Variants in MAP2 observed in about 807,000 individuals in gnomAD.
MAP2 encodes the protein microtubule associated protein 2, also known as microtubule-associated protein 2.
MAP2 carries 14 observed loss-of-function variants against 137.6 expected under a neutral mutation model. The ratio of observed to expected loss-of-function variants is 0.10; its 90% CI spans 0.07 to 0.16. The LOEUF is 0.16. MAP2 is among the 10% of genes least tolerant of loss of function. The pLI, the probability that MAP2 is intolerant of heterozygous loss-of-function variation, is 1.00. For missense variants in MAP2, 2,088 were observed against 2,191.5 expected, an observed-to-expected ratio of 0.95 and a Z score of 0.94; for synonymous variants, 786 against 782.3, an observed-to-expected ratio of 1.00 and a Z score of -0.08.
At position 209,694,850 on chromosome 2, in the gene MAP2, G is replaced by C. The variant is rs1386378754; in HGVS notation, c.2680G>C (p.Gly894Arg). 1.8e-5 allele frequency: 29 copies of C among 1,614,010 alleles called. No homozygotes were observed. The highest frequency in any genetic ancestry group is 2.5e-5 in the Non-Finnish European group (29 of 1,180,024). The part of the protein sequence containing the change: ...QDSENLSGES[G>R]TFYEGTDDKV... ...CAGTGAGAATTTATCAGGGGAGAGT[G>C]GTACCTTTTACGAAGGCACTGATGA... The change falls in exon 8 of 16, where the codon GGT becomes CGT. Residue 894 changes from glycine to arginine, a missense_variant. Gly to Arg is a moderately radical substitution (Grantham distance 125, BLOSUM62 -2). This residue lies in a region of MAP2 where 500 missense variants were observed against 482.9 expected (regional missense o/e 1.04). Transcript: ENST00000682079.
chr2:209,695,312 G>A lies in MAP2; in HGVS notation c.3142G>A (p.Val1048Ile). 2 of 1,614,030 alleles carry A rather than the reference G, an allele frequency of 1.2e-6. No individual in the cohort carries two copies. Among genetic ancestry groups the A allele is most frequent in the South Asian group, 2.2e-5 (2 of 91,062 alleles). Residue 1048 changes from valine (V) to isoleucine (I), a missense_variant, in exon 8 of 16, where the codon GTT becomes ATT. Physicochemically the swap from Val to Ile is conservative, Grantham distance 29. Around this residue, in one of 6 missense-constraint regions of MAP2, gnomAD observed 500 missense variants for 482.9 expected, o/e 1.04. Transcript: ENST00000682079. ...TTTTGCTGTCCAGGGTCAACTAGAT[G>A]TTAAAATTAGTGACTTTGGACAGAT... ...LDFAVQGQLDVKISDFGQMAS... is the reference protein window; with the variant it reads ...LDFAVQGQLDIKISDFGQMAS...
chr2:209,614,578 A>T (rs1230226657), intron 3 of MAP2, among the ~76,000 whole-genome samples: 2 of 152,202 alleles, frequency 1.3e-5, no homozygotes, highest in Non-Finnish European at 1.5e-5. Flanking sequence ...GATATATTTC[A>T]AGGCTTGCTT....
At chr2:209,425,668 C>T (rs1692360368) in intron 1 of MAP2, among the ~76,000 whole-genome samples, 1 of 152,174 alleles carries the variant, frequency 6.6e-6, no homozygotes, top group Non-Finnish European at 1.5e-5. Context: ...AGAACAAAGC[C>T]TTCTATGTGA....
chr2:209,617,283 C>T (rs1048152332), intron 3 of MAP2, among the ~76,000 whole-genome samples: 2 of 152,128 alleles, frequency 1.3e-5, no homozygotes, highest in East Asian at 3.9e-4. Flanking sequence ...GTTTTCTGAG[C>T]CCCAACATTA....
chr2:209,495,934 TCA>T (rs1330440504), intron 1 of MAP2, among the ~76,000 whole-genome samples: 1 of 152,220 alleles, frequency 6.6e-6, no homozygotes, highest in Non-Finnish European at 1.5e-5. Flanking sequence ...CATTTTATGT[TCA>T]GTGTTGTGAC....
intron 2 of MAP2, among the ~76,000 whole-genome samples, chr2:209,549,174 C>G (rs954641332): frequency 6.6e-6 from 1 of 152,178 alleles, no homozygotes; most frequent in African/African-American, 2.4e-5. Context: ...AAGAAAGGCT[C>G]TCTCCAGGAG....
At position 209,595,879 on chromosome 2, in the gene MAP2, C is replaced by G. The variant is rs2081149161; in HGVS notation, c.-107+15779C>G. Among the ~76,000 whole-genome samples, 8 of 152,286 alleles carry G rather than the reference C, an allele frequency of 5.3e-5. 1 individual carries two copies. In the South Asian group the frequency reaches 1.7e-3, roughly 32 times the overall value. On this transcript the variant is annotated intron_variant, in intron 3 of 15. Transcript: ENST00000682079. ...GACAGAAAACCAAACACTGCATGTT[C>G]TCACTCATAGGTGGGAATTGAACAA...
At chr2:209,555,632 A>C (rs2070385133) in intron 2 of MAP2, among the ~76,000 whole-genome samples, 1 of 152,186 alleles carries the variant, frequency 6.6e-6, no homozygotes, top group East Asian at 1.9e-4. Flanking sequence ...TTATTTCTTT[A>C]CTTCACAACT....
At chr2:209,547,807 C>G (rs1032605262) in intron 2 of MAP2, among the ~76,000 whole-genome samples, 2 of 152,112 alleles carry the variant, frequency 1.3e-5, no homozygotes, top group African/African-American at 4.8e-5. Flanking sequence ...CTTAATTCCA[C>G]TATTATTATG....
chr2:209,484,176 G>A (rs1439001695), intron 1 of MAP2, among the ~76,000 whole-genome samples: 1 of 152,288 alleles, frequency 6.6e-6, no homozygotes, highest in African/African-American at 2.4e-5. Context: ...TTTAACTTGT[G>A]AGGGCCATTT....
chr2:209,539,532 T>G (rs1374882530), intron 2 of MAP2, among the ~76,000 whole-genome samples: 1 of 152,202 alleles, frequency 6.6e-6, no homozygotes, highest in African/African-American at 2.4e-5. Context: ...ACTGAGATGC[T>G]CATTTGAGTA....
intron 3 of MAP2, among the ~76,000 whole-genome samples, chr2:209,592,059 C>G (rs964609249): frequency 3.3e-5 from 5 of 152,110 alleles, no homozygotes; most frequent in Non-Finnish European, 7.4e-5. Flanking sequence ...TGAAAATATT[C>G]TAAGTGTTGA....
intron 1 of MAP2, among the ~76,000 whole-genome samples, chr2:209,496,332 C>A (rs1480855278): frequency 6.6e-6 from 1 of 152,158 alleles, no homozygotes; most frequent in African/African-American, 2.4e-5. Flanking sequence ...TGGGCTTACA[C>A]ATAGCCAGCA....
chr2:209,561,681 T>C (rs1441164776), intron 2 of MAP2, among the ~76,000 whole-genome samples: 1 of 152,234 alleles, frequency 6.6e-6, no homozygotes, highest in Non-Finnish European at 1.5e-5. Context: ...AAAATATGAT[T>C]ACTTCTTATC....
At chr2:209,690,285 G>A (rs2058464909) in intron 7 of MAP2, among the ~76,000 whole-genome samples, 3 of 151,814 alleles carry the variant, frequency 2.0e-5, no homozygotes, top group South Asian at 2.1e-4. Flanking sequence ...TTCCACATGC[G>A]TGCAACTTAC....
chr2:209,531,118 T>A (rs922834488), intron 2 of MAP2, among the ~76,000 whole-genome samples: 1 of 152,176 alleles, frequency 6.6e-6, no homozygotes, highest in Non-Finnish European at 1.5e-5. Context: ...GTGGCCAACA[T>A]TTTTATTGAG....
chr2:209,683,164 G>C (rs2055483376), intron 7 of MAP2, among the ~76,000 whole-genome samples: 1 of 152,102 alleles, frequency 6.6e-6, no homozygotes, highest in East Asian at 1.9e-4. Flanking sequence ...ATAAAATGTA[G>C]AATCACCTTC....
intron 2 of MAP2, among the ~76,000 whole-genome samples, chr2:209,551,427 A>C (rs887151565): frequency 2.6e-5 from 4 of 152,162 alleles, no homozygotes; most frequent in African/African-American, 7.2e-5. Context: ...TAGAAAGCTC[A>C]TTGCATTCAC....
At chr2:209,669,347 A>G (rs1462513123) in intron 5 of MAP2, among the ~76,000 whole-genome samples, 2 of 152,072 alleles carry the variant, frequency 1.3e-5, no homozygotes, top group Non-Finnish European at 2.9e-5. Flanking sequence ...TGGTTCCTAA[A>G]TTCCATATGC....
Sources: allele counts gnomAD v4.1 joint callset (sites outside exome capture counted in the v4.1 genomes callset), GRCh38; gene constraint gnomAD v4.1.1; regional missense constraint gnomAD v4.1.1; transcripts MANE v1.5; gene names NCBI Gene and HGNC (gene_info 2026-07-23, HGNC 2026-07-21).